The following JAKMIP1 variants were observed in gnomAD, a reference collection of about 807,000 sequenced individuals.
The protein encoded by JAKMIP1 is janus kinase and microtubule interacting protein 1, also known as janus kinase and microtubule-interacting protein 1.
In JAKMIP1, 33 loss-of-function variants were observed where a neutral mutation model predicts 113.0. The observed-to-expected ratio is 0.29, with a 90% CI of 0.22 to 0.39. JAKMIP1 has a LOEUF of 0.39. Among genes scored for constraint, JAKMIP1 ranks in the 10% least tolerant of loss-of-function variants. The probability of loss-of-function intolerance (pLI) is 1.00; values close to 1 mark genes in which losing one functional copy is unlikely to be tolerated. For missense variants in JAKMIP1, 813 were observed against 1,080.5 expected (o/e 0.75, Z 3.47); for synonymous variants, 480 against 459.9 (o/e 1.04, Z -0.56).
intron 1 of JAKMIP1, among the ~76,000 whole-genome samples, chr4:6,169,315 G>A (rs996358709): frequency 5.3e-5 from 8 of 152,166 alleles, no homozygotes; most frequent in Non-Finnish European, 1.0e-4. Flanking sequence ...CCTTTATTCA[G>A]TACAGCTGGG....
intron 1 of JAKMIP1, among the ~76,000 whole-genome samples, chr4:6,173,934 T>C (rs1235484414): frequency 1.3e-5 from 2 of 151,890 alleles, no homozygotes; most frequent in Non-Finnish European, 2.9e-5. Context: ...AAAAAAAATT[T>C]AGCCAGGAAT....
chr4:6,071,472 C>A (rs1199053620), intron 8 of JAKMIP1, among the ~76,000 whole-genome samples: 1 of 152,236 alleles, frequency 6.6e-6, no homozygotes, highest in Non-Finnish European at 1.5e-5. Flanking sequence ...CCAGCCTCTG[C>A]AGCAGCTTCT....
At chr4:6,029,411 G>A (rs1712295475) in intron 20 of JAKMIP1, among the ~76,000 whole-genome samples, 1 of 152,224 alleles carries the variant, frequency 6.6e-6, no homozygotes, top group South Asian at 2.1e-4. Context: ...TCGGGCTAAT[G>A]TGCTTCACCT....
chr4:6,099,224 T>C (rs1408429335), intron 3 of JAKMIP1, among the ~76,000 whole-genome samples: 3 of 152,266 alleles, frequency 2.0e-5, no homozygotes, highest in Non-Finnish European at 2.9e-5. Flanking sequence ...ACTACTGATA[T>C]GACTCCTTTA....
chr4:6,110,518 G>A lies in JAKMIP1; in HGVS notation c.129+2204C>T, dbSNP rs536891414. ...CCCTTGGCTTGCTCACCTGTAACAC[G>A]GGGGAAGCCACACCTGATCTCTCAG... On this transcript the variant is annotated intron_variant, in intron 2 of 20. Coordinates refer to ENST00000409021, the MANE Select transcript of JAKMIP1 (RefSeq NM_001099433.2). 6.0e-5 allele frequency among the ~76,000 whole-genome samples: 9 copies of A among 150,582 alleles called. No individual in the cohort carries two copies. In the East Asian group the frequency reaches 8.0e-4, roughly 13 times the overall value.
rs1396881245 is a variant in JAKMIP1 at position 6,129,141 on chromosome 4, C to T, written c.-147-16144G>A. Reference sequence around the variant, plus strand: ...TCACACACCCCACTTTCACTCCGCACTGTGGGGTGTCTTCACATCTACAGA... The same window carrying T: ...TCACACACCCCACTTTCACTCCGCATTGTGGGGTGTCTTCACATCTACAGA... On this transcript the variant is annotated intron_variant, in intron 1 of 20. Coordinates refer to ENST00000409021, the MANE Select transcript of JAKMIP1 (RefSeq NM_001099433.2). This position sits in a 1 kb window ranked among gnomAD's most constrained non-coding sequence, Gnocchi z 5.4. Among the ~76,000 whole-genome samples the T allele has an allele frequency of 3.9e-5, 6 of 152,216 alleles. No individual in the cohort carries two copies. Among genetic ancestry groups the T allele is most frequent in the Non-Finnish European group, 4.4e-5 (3 of 68,042 alleles).
At position 6,049,942 on chromosome 4, in the gene JAKMIP1, C is replaced by T. The variant is rs991252371; in HGVS notation, c.1909-70G>A. On this transcript the variant is annotated intron_variant, in intron 14 of 20. Coordinates refer to ENST00000409021, the MANE Select transcript of JAKMIP1 (RefSeq NM_001099433.2). The surrounding 1 kb of genome is among the most constrained non-coding windows in gnomAD (Gnocchi z 7.0). ...CCAACCATACCAATTTCTAGGGCCA[C>T]GGCCTTTCCTCTGGACAAGACACCG... 2.7e-6 allele frequency: 3 copies of T among 1,112,290 alleles called. No homozygotes were observed. Among genetic ancestry groups the T allele is most frequent in the East Asian group, 2.4e-5 (1 of 42,280 alleles). 68.9% of individuals were successfully genotyped at this position (1,112,290 alleles called of 1,614,324 possible).
intron 2 of JAKMIP1, 43 bp downstream of exon 2, chr4:6,112,679 A>C (rs1182330420): frequency 6.2e-7 from 1 of 1,600,958 alleles, no homozygotes; most frequent in Non-Finnish European, 8.5e-7. Flanking sequence ...GCCCAAAGGG[A>C]CATTTGCAGC....
In JAKMIP1 at chr4:6,106,400, G is replaced by A. The variant is rs1365246975; in HGVS notation, c.130-433C>T. Among the ~76,000 whole-genome samples, 2 of 152,312 alleles carry A rather than the reference G, an allele frequency of 1.3e-5. No homozygotes were observed. The highest frequency in any genetic ancestry group is 2.1e-4 in the South Asian group (1 of 4,812). On this transcript the variant is annotated intron_variant, in intron 2 of 20. Coordinates refer to ENST00000409021, the MANE Select transcript of JAKMIP1 (RefSeq NM_001099433.2). This position sits in a 1 kb window ranked among gnomAD's most constrained non-coding sequence, Gnocchi z 5.9. ...AGACCAGGCTTCTAAGTCCTGGGGGGCAGTGAGCAGGGGGCACCATTCTTG... is the reference window on the plus strand; with the variant it reads ...AGACCAGGCTTCTAAGTCCTGGGGGACAGTGAGCAGGGGGCACCATTCTTG...
At chr4:6,182,423 AAAAG>A (rs1218522312) in intron 1 of JAKMIP1, among the ~76,000 whole-genome samples, 39 of 140,244 alleles carry the variant, frequency 2.8e-4, no homozygotes, top group South Asian at 1.4e-3. Flanking sequence ...AAAAAAAAAA[AAAAG>A]AAAGAAAGAA....
At chr4:6,037,699 CTGAGT>C (rs1414370198) in intron 18 of JAKMIP1, among the ~76,000 whole-genome samples, 31 of 141,120 alleles carry the variant, frequency 2.2e-4, no homozygotes, top group Non-Finnish European at 4.1e-4. Context: ...CCCTCCATCA[CTGAGT>C]CAGAGGTTAA....
At chr4:6,032,753 A>T (rs1035339557) in intron 19 of JAKMIP1, among the ~76,000 whole-genome samples, 1 of 152,238 alleles carries the variant, frequency 6.6e-6, no homozygotes, top group African/African-American at 2.4e-5. Flanking sequence ...AGAGGTGGAC[A>T]ATGCAGCTGT....
At chr4:6,102,837 C>A (rs1713286504) in intron 3 of JAKMIP1, among the ~76,000 whole-genome samples, 1 of 139,286 alleles carries the variant, frequency 7.2e-6, no homozygotes, top group African/African-American at 2.6e-5. Context: ...AGGTTCACAC[C>A]ATTCTCCTGC....
In JAKMIP1 at chr4:6,112,904, C is replaced by T. The variant is rs1715190383; in HGVS notation, c.-54G>A. On this transcript the variant is annotated 5_prime_UTR_variant, in exon 2 of 21. In the 5' UTR this introduces an upstream ATG that the reference lacks. Coordinates refer to ENST00000409021, the MANE Select transcript of JAKMIP1 (RefSeq NM_001099433.2). ...CCTGCGGTCCACACCTGTTCACGCA[C>T]GCCAGCCAGCAGGCGTGGCTACCAG... 3.8e-6 allele frequency: 6 copies of T among 1,581,564 alleles called. No homozygotes were observed. Among genetic ancestry groups the T allele is most frequent in the South Asian group, 1.1e-5 (1 of 88,672 alleles).
At position 6,106,993 on chromosome 4, in the gene JAKMIP1, T is replaced by G. The variant is rs1714064075; in HGVS notation, c.130-1026A>C. ...AAGTTTTACAATGGCACCTGAGTAT[T>G]GATAAATCCTTACTTAAAACAGCAG... is the stretch of plus-strand genomic sequence containing the variant. On this transcript the variant is annotated intron_variant, in intron 2 of 20. Transcript: ENST00000409021. This position sits in a 1 kb window ranked among gnomAD's most constrained non-coding sequence, Gnocchi z 5.9. Among the ~76,000 whole-genome samples the G allele has an allele frequency of 6.6e-6, 1 of 152,182 alleles. No homozygotes were observed. The highest frequency in any genetic ancestry group is 2.4e-5 in the African/African-American group (1 of 41,456).
intron 11 of JAKMIP1, 76 bp from the exon 12 acceptor site, chr4:6,056,835 G>A: frequency 1.0e-6 from 1 of 1,001,460 alleles, no homozygotes; most frequent in Non-Finnish European, 1.6e-6. Context: ...TAGTGAGAAA[G>A]GTCACTTTCT....
At chr4:6,074,521 G>T (rs1293787526) in intron 8 of JAKMIP1, among the ~76,000 whole-genome samples, 2 of 152,198 alleles carry the variant, frequency 1.3e-5, no homozygotes, top group Admixed American at 1.3e-4. Flanking sequence ...AGGGGAAAAA[G>T]AAACTAGTCT....
Position 6,067,726 on chromosome 4 carries a change from G to A in JAKMIP1, c.1303-2718C>T, listed in dbSNP as rs1039759836. 5.4e-5 allele frequency among the ~76,000 whole-genome samples: 8 copies of A among 148,302 alleles called. No homozygotes were observed. The highest frequency in any genetic ancestry group is 4.2e-4 in the South Asian group (2 of 4,720). ...CACAGGTCACCCCCCTGAGCTCCAC[G>A]TTCACTCAAGCTCTTCTGCACACGC... On this transcript the variant is annotated intron_variant, in intron 8 of 20. Transcript: ENST00000409021. This position sits in a 1 kb window ranked among gnomAD's most constrained non-coding sequence, Gnocchi z 4.6.
At position 6,178,004 on chromosome 4, in the gene JAKMIP1, G is replaced by C. The variant is rs997692212; in HGVS notation, c.-148+22249C>G. ...GCATCCGGCTTCACTTCCGGCTGCA[G>C]GCTTTTAAAGTCAAACATGACTCCT... On this transcript the variant is annotated intron_variant, in intron 1 of 20. Transcript: ENST00000409021. This position sits in a 1 kb window ranked among gnomAD's most constrained non-coding sequence, Gnocchi z 5.5. 6.6e-6 allele frequency among the ~76,000 whole-genome samples: 1 copy of C among 152,176 alleles called. No individual in the cohort carries two copies. Among genetic ancestry groups the C allele is most frequent in the Non-Finnish European group, 1.5e-5 (1 of 68,034 alleles).
Sources: allele counts gnomAD v4.1 joint callset (sites outside exome capture counted in the v4.1 genomes callset), GRCh38; gene constraint gnomAD v4.1.1; non-coding constraint Gnocchi (gnomAD v3.1); transcripts MANE v1.5; gene names NCBI Gene and HGNC (gene_info 2026-07-23, HGNC 2026-07-21).